Variants in OR2L13 observed in about 807,000 individuals in gnomAD.
OR2L13 encodes olfactory receptor 2L13.
Under a neutral mutation model 15.3 loss-of-function variants are expected in OR2L13, and 14 were observed. That is an observed-to-expected ratio of 0.91 (90% confidence interval 0.60 to 1.43). OR2L13 has a LOEUF of 1.43. Ranked by LOEUF, OR2L13 falls within the 40% of genes most tolerant of loss-of-function variation. The pLI is 0.00. For synonymous variants in OR2L13, 152 were observed against 142.9 expected (o/e 1.06, Z -0.45); for missense variants, 367 against 387.9 (o/e 0.95, Z 0.45).
the OR2L13 span, among the ~76,000 whole-genome samples, chr1:248,071,325 T>A: frequency 6.6e-6 from 1 of 151,490 alleles, no homozygotes; most frequent in Non-Finnish European, 1.5e-5. Flanking sequence ...CTTCAATATA[T>A]GCAAATCAAT....
At chr1:247,954,006 C>T in the OR2L13 span, among the ~76,000 whole-genome samples, 2 of 151,978 alleles carry the variant, frequency 1.3e-5, no homozygotes, top group South Asian at 4.1e-4. Context: ...TTGCTTTGAC[C>T]ATTTATTTAG....
At chr1:248,015,137 T>G in the OR2L13 span, among the ~76,000 whole-genome samples, 3 of 152,316 alleles carry the variant, frequency 2.0e-5, no homozygotes, top group Admixed American at 1.3e-4. Context: ...CTTCACTCCT[T>G]TACACCTTAA....
chr1:248,096,027 T>C (rs1166120704), upstream of OR2L13, among the ~76,000 whole-genome samples: 1 of 152,116 alleles, frequency 6.6e-6, no homozygotes. Flanking sequence ...TTGGAAATGT[T>C]TTCCTATCAT....
the OR2L13 span, among the ~76,000 whole-genome samples, chr1:248,050,559 A>G: frequency 0.04 from 6,081 of 152,136 alleles, 399 homozygotes; most frequent in African/African-American, 0.14. Context: ...CAGTCATAAA[A>G]CATGGCATTA....
At chr1:247,981,972 C>T in the OR2L13 span, among the ~76,000 whole-genome samples, 11 of 152,010 alleles carry the variant, frequency 7.2e-5, no homozygotes, top group African/African-American at 9.7e-5. Flanking sequence ...CCCGCCACCA[C>T]GCCCGGCTAA....
At chr1:247,982,017 G>A in the OR2L13 span, among the ~76,000 whole-genome samples, 8 of 152,078 alleles carry the variant, frequency 5.3e-5, no homozygotes, top group South Asian at 4.2e-4. Flanking sequence ...GGGTTTCACC[G>A]TGTTAGCCAG....
the OR2L13 span, among the ~76,000 whole-genome samples, chr1:247,958,079 A>C: frequency 1.3e-5 from 2 of 151,996 alleles, no homozygotes; most frequent in Non-Finnish European, 2.9e-5. Flanking sequence ...GTGGGCATTT[A>C]GTGCTATTAA....
chr1:248,013,906 A>G, the OR2L13 span, among the ~76,000 whole-genome samples: 1 of 152,178 alleles, frequency 6.6e-6, no homozygotes, highest in African/African-American at 2.4e-5. Context: ...TAGAATACAG[A>G]CAACCAAAAG....
At chr1:248,036,490 G>A in the OR2L13 span, among the ~76,000 whole-genome samples, 39 of 152,218 alleles carry the variant, frequency 2.6e-4, 1 homozygote, top group South Asian at 8.1e-3. Flanking sequence ...TTTTAACTCA[G>A]TGTACATACA....
the OR2L13 span, among the ~76,000 whole-genome samples, chr1:247,979,079 TCTTC>T: frequency 6.6e-6 from 1 of 152,178 alleles, no homozygotes; most frequent in Non-Finnish European, 1.5e-5. Flanking sequence ...AAATAAGGAT[TCTTC>T]CTTCCTTATT....
the OR2L13 span, among the ~76,000 whole-genome samples, chr1:248,047,437 G>C: frequency 1.3e-5 from 2 of 152,096 alleles, no homozygotes; most frequent in Non-Finnish European, 2.9e-5. Context: ...GGTACAACGA[G>C]AATGGTTAAA....
At chr1:248,060,709 G>A in the OR2L13 span, 2 of 1,613,644 alleles carry the variant, frequency 1.2e-6, no homozygotes, top group African/African-American at 1.3e-5. Flanking sequence ...AACATCAACT[G>A]ATTTCATCTT....
At chr1:247,956,414 C>G in the OR2L13 span, among the ~76,000 whole-genome samples, 1 of 151,628 alleles carries the variant, frequency 6.6e-6, no homozygotes, top group African/African-American at 2.4e-5. Context: ...TTAGGATTGA[C>G]TTGGCAATGT....
the OR2L13 span, chr1:248,041,226 T>G: frequency 6.6e-6 from 1 of 152,156 alleles, no homozygotes; most frequent in African/African-American, 2.4e-5. Flanking sequence ...CTATCTGATC[T>G]TTGACAAACC....
At chr1:248,094,563 C>T (rs1176667428), upstream of OR2L13, among the ~76,000 whole-genome samples, 1 of 152,186 alleles carries the variant, frequency 6.6e-6, no homozygotes, top group Admixed American at 6.5e-5. Flanking sequence ...AGTGGCATAG[C>T]TGTCAGACTA....
At chr1:248,068,059 T>C in the OR2L13 span, among the ~76,000 whole-genome samples, 1 of 151,564 alleles carries the variant, frequency 6.6e-6, no homozygotes, top group African/African-American at 2.4e-5. Flanking sequence ...GCTCCACCTC[T>C]GGGGGCAGGG....
the OR2L13 span, chr1:248,051,125 C>G: frequency 6.6e-6 from 1 of 152,190 alleles, no homozygotes; most frequent in African/African-American, 2.4e-5. Flanking sequence ...TTCATTGTCT[C>G]CAACTAACAC....
the OR2L13 span, among the ~76,000 whole-genome samples, chr1:248,000,904 A>T: frequency 6.6e-6 from 1 of 152,034 alleles, no homozygotes; most frequent in African/African-American, 2.4e-5. Flanking sequence ...TTTACCACTT[A>T]TATGGAGTTT....
upstream of OR2L13, among the ~76,000 whole-genome samples, chr1:248,096,829 A>T (rs1162608247): frequency 6.6e-6 from 1 of 152,228 alleles, no homozygotes; most frequent in Non-Finnish European, 1.5e-5. Flanking sequence ...TTTTAGAATG[A>T]GAAAGAAAAT....
Sources: allele counts gnomAD v4.1 joint callset (sites outside exome capture counted in the v4.1 genomes callset), GRCh38; gene constraint gnomAD v4.1.1; transcripts MANE v1.5; gene names NCBI Gene and HGNC (gene_info 2026-07-23, HGNC 2026-07-21).